PHACTR1: variants seen among roughly 807,000 people sequenced by gnomAD.
PHACTR1 encodes RPEL repeat containing 1.
A neutral mutation model predicts 69.2 loss-of-function variants in PHACTR1; 16 were observed. The observed-to-expected ratio is 0.23, with a 90% CI of 0.16 to 0.35. The LOEUF is 0.35. PHACTR1 is among the 10% of genes least tolerant of loss of function. The probability of loss-of-function intolerance (pLI) is 1.00; values close to 1 mark genes in which losing one functional copy is unlikely to be tolerated. For missense variants in PHACTR1, 510 were observed against 734.7 expected (o/e 0.69, Z 3.54); for synonymous variants, 312 against 284.5 (o/e 1.10, Z -0.97).
chr6:13,050,043 C>A (rs1328838044), intron 4 of PHACTR1, among the ~76,000 whole-genome samples: 1 of 152,152 alleles, frequency 6.6e-6, no homozygotes, highest in Non-Finnish European at 1.5e-5. Flanking sequence ...AGAATCAGAC[C>A]TCTGGACTAT....
At chr6:12,931,612 T>C (rs1054328352) in intron 4 of PHACTR1, among the ~76,000 whole-genome samples, 15 of 151,992 alleles carry the variant, frequency 9.9e-5, no homozygotes, top group Admixed American at 9.2e-4. Flanking sequence ...AATGAGTAGA[T>C]GATAAATGGG....
At chr6:13,255,725 TCC>T (rs1319100840) in intron 10 of PHACTR1, among the ~76,000 whole-genome samples, 1 of 152,244 alleles carries the variant, frequency 6.6e-6, no homozygotes, top group Non-Finnish European at 1.5e-5. Context: ...TGACTCCATG[TCC>T]CACATCCCAG....
chr6:13,177,203 A>AAAAAAAC (rs1761455550), intron 6 of PHACTR1, among the ~76,000 whole-genome samples: 1 of 131,708 alleles, frequency 7.6e-6, no homozygotes, highest in African/African-American at 2.7e-5. Flanking sequence ...AAAAAAAAAA[A>AAAAAAAC]TCCAGGCATG....
At chr6:12,726,860 G>GACAA (rs1762858217) in intron 3 of PHACTR1, among the ~76,000 whole-genome samples, 1 of 152,056 alleles carries the variant, frequency 6.6e-6, no homozygotes, top group Non-Finnish European at 1.5e-5. Context: ...GTCCTGCCAG[G>GACAA]TAATATCCTG....
chr6:12,792,388 C>A (rs761349763), intron 4 of PHACTR1, among the ~76,000 whole-genome samples: 1 of 132,818 alleles, frequency 7.5e-6, no homozygotes, highest in African/African-American at 2.7e-5. Context: ...CACTTGAACC[C>A]GGGAGGCGGA....
chr6:13,103,360 A>G (rs1241258687), intron 5 of PHACTR1, among the ~76,000 whole-genome samples: 1 of 152,222 alleles, frequency 6.6e-6, no homozygotes, highest in Non-Finnish European at 1.5e-5. Context: ...AAAGTTGCTA[A>G]AAAATGCTGA....
intron 8 of PHACTR1, among the ~76,000 whole-genome samples, chr6:13,222,044 A>G (rs923697476): frequency 6.6e-6 from 1 of 152,098 alleles, no homozygotes; most frequent in African/African-American, 2.4e-5. Flanking sequence ...CAAAAAAAAA[A>G]AAAGAATGAA....
chr6:13,231,750 G>C (rs1437009100), intron 10 of PHACTR1, among the ~76,000 whole-genome samples: 1 of 152,234 alleles, frequency 6.6e-6, no homozygotes, highest in Non-Finnish European at 1.5e-5. Context: ...GCATGTTTAT[G>C]TGACATTAGG....
chr6:13,112,378 C>T (rs142000843), intron 5 of PHACTR1, among the ~76,000 whole-genome samples: 134 of 152,228 alleles, frequency 8.8e-4, no homozygotes, highest in African/African-American at 3.0e-3. Flanking sequence ...ATTTAAATTC[C>T]TTTGGGTATA....
At chr6:13,265,559 G>T (rs1776560918) in intron 10 of PHACTR1, among the ~76,000 whole-genome samples, 1 of 152,174 alleles carries the variant, frequency 6.6e-6, no homozygotes, top group Non-Finnish European at 1.5e-5. Flanking sequence ...GTTAGTTAAT[G>T]AGAGTACTCT....
chr6:13,119,104 T>TA (rs1025909107), intron 5 of PHACTR1, among the ~76,000 whole-genome samples: 5 of 152,100 alleles, frequency 3.3e-5, no homozygotes, highest in Admixed American at 6.5e-5. Flanking sequence ...ATCTACCTCA[T>TA]AAAAAAAATA....
chr6:12,887,413 T>C (rs1404005506), intron 4 of PHACTR1, among the ~76,000 whole-genome samples: 2 of 152,154 alleles, frequency 1.3e-5, no homozygotes, highest in Non-Finnish European at 2.9e-5. Flanking sequence ...GTTCTTCATT[T>C]CCCCAAATCT....
At chr6:13,024,495 C>G (rs1306899588) in intron 4 of PHACTR1, among the ~76,000 whole-genome samples, 3 of 152,144 alleles carry the variant, frequency 2.0e-5, no homozygotes, top group Admixed American at 2.0e-4. Context: ...TCAAGAATCA[C>G]GTCTGCAAAT....
At position 12,895,169 on chromosome 6, in the gene PHACTR1, T is replaced by C. The variant is rs113601000; in HGVS notation, c.250+145379T>C. 6.9e-3 allele frequency among the ~76,000 whole-genome samples: 928 copies of C among 133,724 alleles called. 5 individuals are homozygous for C. The highest frequency in any genetic ancestry group is 0.01 in the Non-Finnish European group (671 of 64,862). 87.7% of individuals were successfully genotyped at this position (133,724 alleles called of 152,430 possible). A position where few individuals can be genotyped will look rare whatever the true frequency, so the allele number is the denominator to read the frequency against. On this transcript the variant is annotated intron_variant, in intron 4 of 14. Coordinates refer to ENST00000332995, the MANE Select transcript of PHACTR1 (RefSeq NM_030948.6). ...ACTCTTGTCTGATATTGTGACTCTT[T>C]CTTTTTTCTTTTTTTTTTTTTTTTT... is the stretch of plus-strand genomic sequence containing the variant.
intron 10 of PHACTR1, among the ~76,000 whole-genome samples, chr6:13,237,679 C>T (rs766380163): frequency 1.3e-4 from 20 of 152,160 alleles, no homozygotes; most frequent in Admixed American, 2.0e-4. Context: ...CATTGCTTAA[C>T]GATGGGATTA....
At chr6:13,227,667 T>TTCCC in intron 8 of PHACTR1, 149 bp from the exon 9 acceptor site, 1 of 1,043,406 alleles carries the variant, frequency 9.6e-7, no homozygotes, top group African/African-American at 1.6e-5. Flanking sequence ...CTTAAAGTGA[T>TTCCC]TCCCTGTAAG....
At chr6:13,158,467 G>C (rs749819324) in intron 5 of PHACTR1, among the ~76,000 whole-genome samples, 2 of 152,168 alleles carry the variant, frequency 1.3e-5, no homozygotes, top group Non-Finnish European at 2.9e-5. Context: ...TATGTTCTCT[G>C]TCAGCTCTAC....
chr6:13,219,150 A>G (rs904139224), intron 8 of PHACTR1, among the ~76,000 whole-genome samples: 4 of 152,160 alleles, frequency 2.6e-5, no homozygotes, highest in African/African-American at 9.7e-5. Flanking sequence ...TGTGCCTTTT[A>G]TTGACTCGGG....
chr6:13,154,766 A>G (rs1052176976), intron 5 of PHACTR1, among the ~76,000 whole-genome samples: 1 of 149,130 alleles, frequency 6.7e-6, no homozygotes, highest in Non-Finnish European at 1.5e-5. Context: ...TACATGACAC[A>G]TCACACCTTC....
Sources: allele counts gnomAD v4.1 joint callset (sites outside exome capture counted in the v4.1 genomes callset), GRCh38; gene constraint gnomAD v4.1.1; transcripts MANE v1.5; gene names NCBI Gene and HGNC (gene_info 2026-07-23, HGNC 2026-07-21).